The following DOCK2 variants were observed in gnomAD, a reference collection of about 807,000 sequenced individuals.
DOCK2 encodes dedicator of cytokinesis 2, also known as dedicator of cytokinesis protein 2.
In DOCK2, 87 loss-of-function variants were observed where a neutral mutation model predicts 248.9. The observed-to-expected ratio is 0.35, with a 90% CI of 0.29 to 0.42. DOCK2 has a LOEUF of 0.42. Among genes scored for constraint, DOCK2 ranks in the 10% least tolerant of loss-of-function variants. The pLI, the probability that DOCK2 is intolerant of heterozygous loss-of-function variation, is 1.00. For missense variants in DOCK2, 1,747 were observed against 2,300.2 expected (o/e 0.76, Z 4.92); for synonymous variants, 805 against 821.6 (o/e 0.98, Z 0.35).
intron 25 of DOCK2, among the ~76,000 whole-genome samples, chr5:169,774,160 AGAC>A (rs936860885): frequency 1.3e-5 from 2 of 152,194 alleles, no homozygotes; most frequent in African/African-American, 4.8e-5. Context: ...AATTTCCTGA[AGAC>A]GACAATACAG....
intron 33 of DOCK2, among the ~76,000 whole-genome samples, chr5:170,023,013 C>T (rs1207444339): frequency 6.6e-6 from 1 of 152,196 alleles, no homozygotes; most frequent in Non-Finnish European, 1.5e-5. Flanking sequence ...AGTACACCAG[C>T]TGTCTTGCTG....
At chr5:169,888,592 TC>T (rs1313517160) in intron 27 of DOCK2, among the ~76,000 whole-genome samples, 2 of 152,206 alleles carry the variant, frequency 1.3e-5, no homozygotes, top group African/African-American at 4.8e-5. Flanking sequence ...TCCTGCCCAG[TC>T]CTCTTTTCTC....
chr5:170,055,289 A>T lies in DOCK2; in HGVS notation c.4214-16A>T, dbSNP rs1561900628. The T allele has an allele frequency of 6.2e-7, 1 of 1,613,520 alleles. No homozygotes were observed. Among genetic ancestry groups the T allele is most frequent in the African/African-American group, 1.3e-5 (1 of 75,044 alleles). On this transcript the variant is annotated splice_polypyrimidine_tract_variant and intron_variant, in intron 41 of 51. Transcript: ENST00000520908. ...CGCAGCCAACAGATATAAGTCCTTA[A>T]CTACAGGGATTCCAGATATCCAGTG...
chr5:169,915,892 A>T lies in DOCK2; in HGVS notation c.2800-67176A>T, dbSNP rs543156473. On this transcript the variant is annotated intron_variant, in intron 27 of 51. Transcript: ENST00000520908. Reference sequence around the variant, plus strand: ...CCCATAGCAAATCTGATTAAATGGTATACATTGGTTTAGAAAAACAATGTA... The same window carrying T: ...CCCATAGCAAATCTGATTAAATGGTTTACATTGGTTTAGAAAAACAATGTA... 2.6e-5 allele frequency among the ~76,000 whole-genome samples: 4 copies of T among 152,348 alleles called. No homozygotes were observed. In the East Asian group the frequency reaches 7.7e-4, roughly 29 times the overall value.
intron 23 of DOCK2, among the ~76,000 whole-genome samples, chr5:169,754,451 A>G (rs1764078479): frequency 6.6e-6 from 1 of 152,200 alleles, no homozygotes; most frequent in South Asian, 2.1e-4. Context: ...TCACCTAATT[A>G]GCAAGATAGC....
At chr5:169,952,608 G>A (rs1432543030) in intron 27 of DOCK2, among the ~76,000 whole-genome samples, 1 of 152,114 alleles carries the variant, frequency 6.6e-6, no homozygotes, top group Admixed American at 6.6e-5. Context: ...CAACTGACAT[G>A]TTAGCCACAG....
At chr5:170,077,940 T>C (rs79354516) in intron 48 of DOCK2, 103 bp downstream of exon 48, 150,845 of 956,508 alleles carry the variant, frequency 0.16, 13,306 homozygotes, top group Middle Eastern at 0.2. Flanking sequence ...ACCTTTCCCT[T>C]CCTCCTTTCA....
At chr5:169,980,450 A>G (rs1777900215) in intron 27 of DOCK2, 1 of 152,206 alleles carries the variant, frequency 6.6e-6, no homozygotes, top group Non-Finnish European at 1.5e-5. Context: ...GAATAAATAA[A>G]AAGCCGAACA....
chr5:170,046,341 G>C (rs532690412), intron 39 of DOCK2, among the ~76,000 whole-genome samples: 1 of 152,204 alleles, frequency 6.6e-6, no homozygotes, highest in Non-Finnish European at 1.5e-5. Context: ...AGGATTTGGT[G>C]GGGGAAGTGG....
At chr5:169,802,271 C>T (rs754200113) in intron 25 of DOCK2, among the ~76,000 whole-genome samples, 1 of 152,238 alleles carries the variant, frequency 6.6e-6, no homozygotes, top group Non-Finnish European at 1.5e-5. Context: ...AAGTGATTCT[C>T]CTGCCTCAGC....
intron 27 of DOCK2, chr5:169,884,046 C>T (rs1335408960): frequency 1.5e-6 from 1 of 650,108 alleles, no homozygotes; most frequent in South Asian, 4.1e-5. Context: ...TATGGGAAAT[C>T]CTGTTGGCCA....
intron 34 of DOCK2, among the ~76,000 whole-genome samples, chr5:170,030,992 G>T (rs1417439135): frequency 1.3e-5 from 2 of 152,224 alleles, no homozygotes; most frequent in African/African-American, 4.8e-5. Context: ...GTCCTCATGT[G>T]CTCTGCGCAG....
intron 22 of DOCK2, among the ~76,000 whole-genome samples, chr5:169,721,641 G>C (rs1762211812): frequency 6.6e-6 from 1 of 152,112 alleles, no homozygotes; most frequent in Admixed American, 6.5e-5. Context: ...CTCTTTCCCT[G>C]CTTGCATAAC....
At chr5:169,886,404 T>G (rs901629794) in intron 27 of DOCK2, among the ~76,000 whole-genome samples, 1 of 152,196 alleles carries the variant, frequency 6.6e-6, no homozygotes, top group African/African-American at 2.4e-5. Context: ...TGTGTAGGAC[T>G]TTTAGGTCTG....
intron 23 of DOCK2, among the ~76,000 whole-genome samples, chr5:169,756,944 A>AAATGCTTG (rs1289006778): frequency 6.7e-6 from 1 of 149,364 alleles, no homozygotes. Flanking sequence ...AAAAAAAATG[A>AAATGCTTG]AATGCTTGGA....
chr5:169,736,911 C>A (rs1763068451), intron 22 of DOCK2, among the ~76,000 whole-genome samples: 1 of 152,180 alleles, frequency 6.6e-6, no homozygotes. Context: ...TTATCCAACA[C>A]ATATCGAGTA....
chr5:169,995,024 T>G (rs1167615952), intron 29 of DOCK2, among the ~76,000 whole-genome samples: 1 of 91,000 alleles, frequency 1.1e-5, no homozygotes, highest in Admixed American at 1.3e-4. Context: ...GTATTGTTAT[T>G]TTTTATTTTT....
chr5:169,960,482 TAC>T, intron 27 of DOCK2, among the ~76,000 whole-genome samples: 1 of 152,338 alleles, frequency 6.6e-6, no homozygotes, highest in African/African-American at 2.4e-5. Flanking sequence ...AAATCTCATA[TAC>T]TCAAGATGAA....
At chr5:169,781,788 C>A (rs1765727639) in intron 25 of DOCK2, among the ~76,000 whole-genome samples, 1 of 152,150 alleles carries the variant, frequency 6.6e-6, no homozygotes, top group African/African-American at 2.4e-5. Context: ...CCCTCTCCCG[C>A]CCCCACAGAG....
Sources: allele counts gnomAD v4.1 joint callset (sites outside exome capture counted in the v4.1 genomes callset), GRCh38; gene constraint gnomAD v4.1.1; transcripts MANE v1.5; gene names NCBI Gene and HGNC (gene_info 2026-07-23, HGNC 2026-07-21).